Variants in FMNL2 observed in about 807,000 individuals in gnomAD.
FMNL2 encodes the protein formin like 2, also known as formin-like protein 2.
FMNL2 carries 51 observed loss-of-function variants against 130.2 expected under a neutral mutation model. That is an observed-to-expected ratio of 0.39 (90% CI 0.31 to 0.49). The LOEUF (loss-of-function observed/expected upper bound fraction) is 0.49, where lower values mean the gene tolerates loss of function less well. FMNL2 is among the 20% of genes least tolerant of loss of function. The pLI is 0.85. For missense variants in FMNL2, 977 were observed against 1,316.2 expected (o/e 0.74, Z 3.99); for synonymous variants, 465 against 467.1 (o/e 1.00, Z 0.06).
intron 1 of FMNL2, among the ~76,000 whole-genome samples, chr2:152,481,280 T>C (rs1199677405): frequency 6.6e-6 from 1 of 152,224 alleles, no homozygotes; most frequent in Non-Finnish European, 1.5e-5. Flanking sequence ...AATAGATCAT[T>C]TAATTGAAAC....
At chr2:152,361,491 C>T (rs185822059) in intron 1 of FMNL2, among the ~76,000 whole-genome samples, 5 of 152,198 alleles carry the variant, frequency 3.3e-5, no homozygotes, top group East Asian at 1.9e-4. Flanking sequence ...CCTACATCTG[C>T]GCCTCTTGAC....
chr2:152,589,163 T>C (rs1457199350), intron 9 of FMNL2, among the ~76,000 whole-genome samples: 3 of 151,804 alleles, frequency 2.0e-5, no homozygotes, highest in Non-Finnish European at 4.4e-5. Context: ...CCAGACCAGA[T>C]TGTCACATTA....
chr2:152,371,651 A>C (rs1683886945), intron 1 of FMNL2, among the ~76,000 whole-genome samples: 1 of 145,432 alleles, frequency 6.9e-6, no homozygotes. Flanking sequence ...CCTGGGTGAC[A>C]GAGTGAGACT....
chr2:152,408,080 TTC>T (rs879526903), intron 1 of FMNL2, among the ~76,000 whole-genome samples: 5 of 152,152 alleles, frequency 3.3e-5, no homozygotes, highest in African/African-American at 4.8e-5. Flanking sequence ...GTTGGAGAGT[TTC>T]TCTGGTAGGT....
At chr2:152,502,395 A>T (rs983615698) in intron 1 of FMNL2, among the ~76,000 whole-genome samples, 9 of 152,362 alleles carry the variant, frequency 5.9e-5, no homozygotes, top group African/African-American at 2.2e-4. Context: ...AGGAAAAAAT[A>T]CCGCCTTTGG....
At chr2:152,336,038 G>A (rs1407153250) in intron 1 of FMNL2, among the ~76,000 whole-genome samples, 1 of 151,834 alleles carries the variant, frequency 6.6e-6, no homozygotes, top group East Asian at 1.9e-4. Context: ...GTGAAGAGAA[G>A]GTGGCGCGGG....
intron 1 of FMNL2, among the ~76,000 whole-genome samples, chr2:152,341,967 C>G (rs938939344): frequency 6.6e-6 from 1 of 152,140 alleles, no homozygotes; most frequent in African/African-American, 2.4e-5. Flanking sequence ...ATTATTGGCT[C>G]GAAAGTTGCC....
chr2:152,578,644 AC>A (rs1402851241), intron 7 of FMNL2: 2 of 274,138 alleles, frequency 7.3e-6, no homozygotes, highest in Non-Finnish European at 6.5e-6. Flanking sequence ...CTCAAGCTGT[AC>A]CCCCCGCCTC....
At chr2:152,454,861 G>T (rs1688865383) in intron 1 of FMNL2, among the ~76,000 whole-genome samples, 1 of 152,242 alleles carries the variant, frequency 6.6e-6, no homozygotes, top group African/African-American at 2.4e-5. Flanking sequence ...CTGACTGCCT[G>T]TAGCTGTTCT....
intron 1 of FMNL2, among the ~76,000 whole-genome samples, chr2:152,365,159 T>G (rs1404765860): frequency 6.6e-6 from 1 of 152,204 alleles, no homozygotes; most frequent in Non-Finnish European, 1.5e-5. Context: ...CTAGAGGTGA[T>G]ACATGCTCTT....
intron 1 of FMNL2, among the ~76,000 whole-genome samples, chr2:152,462,602 A>T (rs1430993034): frequency 6.6e-6 from 1 of 152,224 alleles, no homozygotes; most frequent in East Asian, 1.9e-4. Context: ...TTTGCTAGGA[A>T]CAAGAACAAA....
intron 3 of FMNL2, among the ~76,000 whole-genome samples, chr2:152,547,269 G>C (rs1694697061): frequency 1.3e-5 from 2 of 152,128 alleles, no homozygotes; most frequent in Non-Finnish European, 2.9e-5. Flanking sequence ...GCCAAGTACT[G>C]TGCCGAGCCT....
chr2:152,546,939 C>A (rs1344772462), intron 3 of FMNL2, among the ~76,000 whole-genome samples: 1 of 149,220 alleles, frequency 6.7e-6, no homozygotes, highest in East Asian at 2.0e-4. Context: ...CATTACTTGC[C>A]CCCATTCTTT....
At position 152,414,567 on chromosome 2, in the gene FMNL2, G is replaced by A. The variant is rs143347799; in HGVS notation, c.117+78847G>A. Among the ~76,000 whole-genome samples the A allele has an allele frequency of 2.3e-3, 344 of 152,294 alleles. 1 individual carries two copies. The highest frequency in any genetic ancestry group is 8.0e-3 in the African/African-American group (333 of 41,560). On this transcript the variant is annotated intron_variant, in intron 1 of 25. Transcript: ENST00000288670. ...GCTCTTTCATAGCAAGGACTATCCTGTCTCTTTCTAGTATGACATCTGGCC... is the reference window on the plus strand; with the variant it reads ...GCTCTTTCATAGCAAGGACTATCCTATCTCTTTCTAGTATGACATCTGGCC...
At chr2:152,513,158 G>T (rs1223522675) in intron 1 of FMNL2, among the ~76,000 whole-genome samples, 1 of 152,156 alleles carries the variant, frequency 6.6e-6, no homozygotes, top group Non-Finnish European at 1.5e-5. Flanking sequence ...ATGGAGACAG[G>T]TTCTGAGAAA....
At chr2:152,467,903 G>C (rs1689641155) in intron 1 of FMNL2, among the ~76,000 whole-genome samples, 1 of 152,190 alleles carries the variant, frequency 6.6e-6, no homozygotes, top group Non-Finnish European at 1.5e-5. Flanking sequence ...GGTTAGGTAG[G>C]TACTGTTGTC....
Position 152,390,281 on chromosome 2 carries a change from G to A in FMNL2, c.117+54561G>A, listed in dbSNP as rs1320074195. ...ACCTCCGGGTGGGGCTCAAGGGGCA[G>A]CCAGCAATCATCGATGGGGAGCTCT... On this transcript the variant is annotated intron_variant, in intron 1 of 25. Transcript: ENST00000288670. The A allele has an allele frequency of 4.3e-6, 6 of 1,386,122 alleles. No homozygotes were observed. In the East Asian group the frequency reaches 9.2e-5, roughly 21 times the overall value. 85.9% of individuals were successfully genotyped at this position (1,386,122 alleles called of 1,614,324 possible). A position where few individuals can be genotyped will look rare whatever the true frequency, so the allele number is the denominator to read the frequency against.
At chr2:152,531,967 A>G (rs1395387217) in intron 2 of FMNL2, among the ~76,000 whole-genome samples, 1 of 152,178 alleles carries the variant, frequency 6.6e-6, no homozygotes, top group Non-Finnish European at 1.5e-5. Context: ...CAAATATGAA[A>G]TGACAGTGAA....
chr2:152,396,953 G>A (rs889151796), intron 1 of FMNL2, among the ~76,000 whole-genome samples: 1 of 152,178 alleles, frequency 6.6e-6, no homozygotes, highest in Non-Finnish European at 1.5e-5. Flanking sequence ...CTATGGAAGT[G>A]GAATGCACTT....
Sources: allele counts gnomAD v4.1 joint callset (sites outside exome capture counted in the v4.1 genomes callset), GRCh38; gene constraint gnomAD v4.1.1; transcripts MANE v1.5; gene names NCBI Gene and HGNC (gene_info 2026-07-23, HGNC 2026-07-21).